The following EPB41L4B variants were observed in gnomAD, a reference collection of about 807,000 sequenced individuals.
EPB41L4B encodes the protein band 4.1-like protein 4B.
A neutral mutation model predicts 112.5 loss-of-function variants in EPB41L4B; 30 were observed. The ratio of observed to expected loss-of-function variants is 0.27; its 90% CI spans 0.20 to 0.36. EPB41L4B has a LOEUF of 0.36. Ranked by LOEUF, EPB41L4B falls within the 10% of genes least tolerant of loss-of-function variation. The pLI, the probability that EPB41L4B is intolerant of heterozygous loss-of-function variation, is 1.00. For synonymous variants in EPB41L4B, 408 were observed against 439.7 expected (o/e 0.93, Z 0.90); for missense variants, 1,024 against 1,133.3 (o/e 0.90, Z 1.38).
intron 6 of EPB41L4B, among the ~76,000 whole-genome samples, chr9:109,261,254 C>T (rs1029858878): frequency 1.1e-4 from 17 of 151,862 alleles, no homozygotes; most frequent in African/African-American, 3.9e-4. Context: ...CTATAGATGA[C>T]ATTACCATCA....
At chr9:109,264,069 TA>T (rs1229740743) in intron 5 of EPB41L4B, among the ~76,000 whole-genome samples, 2 of 151,146 alleles carry the variant, frequency 1.3e-5, no homozygotes, top group East Asian at 1.9e-4. Flanking sequence ...GAGAGAGGAT[TA>T]AAAAAAAGTA....
At chr9:109,293,962 T>G (rs1836635435) in intron 1 of EPB41L4B, among the ~76,000 whole-genome samples, 1 of 152,098 alleles carries the variant, frequency 6.6e-6, no homozygotes, top group East Asian at 1.9e-4. Flanking sequence ...TAAAAGGTTT[T>G]TAAGATAATT....
At chr9:109,192,899 A>C (rs949185976) in intron 21 of EPB41L4B, among the ~76,000 whole-genome samples, 1 of 152,166 alleles carries the variant, frequency 6.6e-6, no homozygotes, top group African/African-American at 2.4e-5. Flanking sequence ...AACGTGGTTC[A>C]AGCAAGGCCC....
intron 25 of EPB41L4B, among the ~76,000 whole-genome samples, chr9:109,175,035 G>A (rs1279474415): frequency 6.8e-6 from 1 of 148,124 alleles, no homozygotes; most frequent in Admixed American, 7.0e-5. Context: ...TTCTGTCTCA[G>A]CCTCCAGCAT....
At chr9:109,290,781 C>T (rs1377976949) in intron 1 of EPB41L4B, among the ~76,000 whole-genome samples, 2 of 151,306 alleles carry the variant, frequency 1.3e-5, no homozygotes, top group Non-Finnish European at 2.9e-5. Context: ...CACACACACA[C>T]ACCCCCCACC....
At chr9:109,240,732 G>A in intron 15 of EPB41L4B, 1 of 985,368 alleles carries the variant, frequency 1.0e-6, no homozygotes, top group Non-Finnish European at 1.2e-6. Context: ...GCTTTCATTT[G>A]AGCCATAAAT....
chr9:109,275,564 T>C (rs564971412), intron 2 of EPB41L4B, among the ~76,000 whole-genome samples: 73 of 152,310 alleles, frequency 4.8e-4, no homozygotes, highest in African/African-American at 1.7e-3. Context: ...CTTCTTAGCA[T>C]GCTCACCCCT....
intron 1 of EPB41L4B, among the ~76,000 whole-genome samples, chr9:109,302,732 T>C (rs959601664): frequency 2.0e-5 from 3 of 151,856 alleles, no homozygotes; most frequent in African/African-American, 7.3e-5. Flanking sequence ...CTATGACGAG[T>C]CATAAAGGCC....
At chr9:109,211,594 CA>C (rs201609219) in intron 17 of EPB41L4B, among the ~76,000 whole-genome samples, 11,806 of 94,146 alleles carry the variant, frequency 0.13, 534 homozygotes, top group Admixed American at 0.21. Context: ...GACGCCATCT[CA>C]AAAAAAAAAA....
At chr9:109,280,332 T>C (rs1028415187) in intron 1 of EPB41L4B, among the ~76,000 whole-genome samples, 72 of 152,208 alleles carry the variant, frequency 4.7e-4, no homozygotes, top group African/African-American at 1.7e-3. Flanking sequence ...TCCTCTGAAA[T>C]TGGCTCTTCC....
chr9:109,287,522 TGTGAA>T (rs1005749948), intron 1 of EPB41L4B, among the ~76,000 whole-genome samples: 1 of 152,168 alleles, frequency 6.6e-6, no homozygotes, highest in Non-Finnish European at 1.5e-5. Flanking sequence ...ACATCCTACT[TGTGAA>T]GTGAATTGCA....
intron 25 of EPB41L4B, 88 bp from the exon 26 acceptor site, chr9:109,174,711 C>A: frequency 9.0e-7 from 1 of 1,116,854 alleles, no homozygotes; most frequent in East Asian, 2.5e-5. Flanking sequence ...CAGGTTCTTT[C>A]CTGATCTCAG....
chr9:109,174,912 G>GTTTTTTTTT (rs35440007), intron 25 of EPB41L4B, among the ~76,000 whole-genome samples: 1 of 74,532 alleles, frequency 1.3e-5, no homozygotes, highest in African/African-American at 5.6e-5. Context: ...TCAGTAAAGT[G>GTTTTTTTTT]TTTTTTTTTT....
At chr9:109,253,837 T>C (rs954042639) in intron 11 of EPB41L4B, among the ~76,000 whole-genome samples, 3 of 152,196 alleles carry the variant, frequency 2.0e-5, no homozygotes, top group African/African-American at 7.2e-5. Context: ...TACATCTCAT[T>C]AAGAGAACAT....
chr9:109,316,056 G>A (rs28714113), intron 1 of EPB41L4B, among the ~76,000 whole-genome samples: 1 of 152,048 alleles, frequency 6.6e-6, no homozygotes, highest in South Asian at 2.1e-4. Context: ...TGCACCATGA[G>A]GCCTTCCCGT....
chr9:109,216,247 G>A (rs573583393), intron 16 of EPB41L4B, among the ~76,000 whole-genome samples: 3 of 152,076 alleles, frequency 2.0e-5, no homozygotes, highest in South Asian at 2.1e-4. Flanking sequence ...GCTCACGCCT[G>A]TAATCCCAGC....
rs1350774674 is a variant in EPB41L4B, at chr9:109,320,218, CGGA to C, written c.226_228del (p.Ser76del). The stretch of plus-strand genomic sequence containing the variant: ...AGGGTGGCCTTGGCGGCGCCGGCGG[CGGA>C]GATGTGCACGGCCGCGCCGCCGGTG... On this transcript the variant is annotated inframe_deletion, in exon 1 of 26. Coordinates refer to ENST00000374566, the MANE Select transcript of EPB41L4B (RefSeq NM_019114.5). 2.8e-6 allele frequency: 4 copies of C among 1,418,936 alleles called. No homozygotes were observed. Among genetic ancestry groups the C allele is most frequent in the Non-Finnish European group, 2.8e-6 (3 of 1,081,528 alleles). 87.9% of individuals were successfully genotyped at this position (1,418,936 alleles called of 1,614,324 possible). A position where few individuals can be genotyped will look rare whatever the true frequency, so the allele number is the denominator to read the frequency against.
chr9:109,287,267 G>A (rs965634954), intron 1 of EPB41L4B, among the ~76,000 whole-genome samples: 3 of 152,170 alleles, frequency 2.0e-5, no homozygotes, highest in African/African-American at 7.2e-5. Context: ...GACAGCTGAT[G>A]TCTTAACTGC....
chr9:109,313,180 G>A (rs767894773), intron 1 of EPB41L4B, among the ~76,000 whole-genome samples: 2 of 152,132 alleles, frequency 1.3e-5, no homozygotes, highest in Non-Finnish European at 2.9e-5. Flanking sequence ...TACTCTGTCT[G>A]CCCCTCAAGA....
Sources: allele counts gnomAD v4.1 joint callset (sites outside exome capture counted in the v4.1 genomes callset), GRCh38; gene constraint gnomAD v4.1.1; transcripts MANE v1.5; gene names NCBI Gene and HGNC (gene_info 2026-07-23, HGNC 2026-07-21).